AFG2A: variants seen among roughly 807,000 people sequenced by gnomAD.
The protein encoded by AFG2A is ATPase family gene 2 protein homolog A.
the AFG2A span, among the ~76,000 whole-genome samples, chr4:123,193,495 A>G: frequency 2.6e-5 from 4 of 152,234 alleles, no homozygotes; most frequent in Non-Finnish European, 4.4e-5. Flanking sequence ...AATGTTAACA[A>G]TAACAATCTT....
chr4:123,012,843 C>T, the AFG2A span, among the ~76,000 whole-genome samples: 2 of 152,020 alleles, frequency 1.3e-5, no homozygotes, highest in Non-Finnish European at 2.9e-5. Flanking sequence ...GCTGGTTAGT[C>T]TGAGGACCAG....
At chr4:123,093,431 TG>T in the AFG2A span, among the ~76,000 whole-genome samples, 3 of 152,230 alleles carry the variant, frequency 2.0e-5, no homozygotes, top group Non-Finnish European at 4.4e-5. Context: ...ATTTGTCAAC[TG>T]CCATGGTTCT....
the AFG2A span, among the ~76,000 whole-genome samples, chr4:122,961,957 A>T: frequency 2.0e-5 from 3 of 152,182 alleles, no homozygotes; most frequent in East Asian, 1.9e-4. Flanking sequence ...GGCACCAGGG[A>T]CCGGTTTTGT....
chr4:123,031,023 T>C, the AFG2A span, among the ~76,000 whole-genome samples: 63,183 of 152,026 alleles, frequency 0.42, 13,490 homozygotes, highest in South Asian at 0.6. Context: ...AAATAATTTG[T>C]CTTCTACTAG....
chr4:123,089,747 A>C, the AFG2A span, among the ~76,000 whole-genome samples: 1 of 151,964 alleles, frequency 6.6e-6, no homozygotes, highest in Non-Finnish European at 1.5e-5. Context: ...ACCACACCTG[A>C]CTAATTTTTT....
the AFG2A span, among the ~76,000 whole-genome samples, chr4:123,174,077 G>A: frequency 6.6e-6 from 1 of 152,142 alleles, no homozygotes; most frequent in Non-Finnish European, 1.5e-5. Context: ...CATTGTCTAT[G>A]TGGGCAAATT....
chr4:123,141,610 G>A, the AFG2A span, among the ~76,000 whole-genome samples: 2 of 152,196 alleles, frequency 1.3e-5, no homozygotes, highest in East Asian at 3.8e-4. Context: ...GTTCAGTAGG[G>A]TAGGTATGTT....
chr4:123,218,411 A>C, the AFG2A span, among the ~76,000 whole-genome samples: 1 of 152,148 alleles, frequency 6.6e-6, no homozygotes. Flanking sequence ...TTTAAGAACA[A>C]AATTTTAAAT....
the AFG2A span, among the ~76,000 whole-genome samples, chr4:122,970,194 T>G: frequency 6.6e-6 from 1 of 152,224 alleles, no homozygotes; most frequent in Admixed American, 6.5e-5. Context: ...AGGTATAACA[T>G]TTTTTAATCT....
chr4:122,964,559 C>T, the AFG2A span, among the ~76,000 whole-genome samples: 567 of 151,356 alleles, frequency 3.7e-3, 2 homozygotes, highest in African/African-American at 0.013. Flanking sequence ...TAATCGACTA[C>T]TCTTTCAGAG....
the AFG2A span, among the ~76,000 whole-genome samples, chr4:123,069,830 C>T: frequency 3.3e-5 from 5 of 152,198 alleles, no homozygotes; most frequent in South Asian, 4.2e-4. Flanking sequence ...AAGACTAAAA[C>T]GTAAAGTACT....
chr4:122,972,190 A>G, the AFG2A span, among the ~76,000 whole-genome samples: 1,835 of 152,238 alleles, frequency 0.012, 42 homozygotes, highest in African/African-American at 0.041. Flanking sequence ...TTTAATATCT[A>G]TTGAAATATT....
the AFG2A span, among the ~76,000 whole-genome samples, chr4:123,097,721 T>C: frequency 1.3e-5 from 2 of 152,106 alleles, no homozygotes; most frequent in Non-Finnish European, 2.9e-5. Context: ...GGATAGAGAA[T>C]TGGGAGAGAT....
the AFG2A span, chr4:123,256,251 T>C: frequency 6.4e-7 from 1 of 1,551,504 alleles, no homozygotes; most frequent in South Asian, 1.2e-5. Context: ...GCAAAATAAA[T>C]TGCTTGCCCT....
chr4:122,939,036 T>C, the AFG2A span, among the ~76,000 whole-genome samples: 1 of 151,634 alleles, frequency 6.6e-6, no homozygotes, highest in Non-Finnish European at 1.5e-5. Flanking sequence ...AAAAAACTTA[T>C]TCATATTACC....
the AFG2A span, among the ~76,000 whole-genome samples, chr4:122,972,943 T>C: frequency 6.6e-6 from 1 of 152,138 alleles, no homozygotes; most frequent in African/African-American, 2.4e-5. Context: ...GTGAGTTAAC[T>C]TTGTTTTTCG....
At chr4:123,272,166 G>T in the AFG2A span, among the ~76,000 whole-genome samples, 7 of 152,070 alleles carry the variant, frequency 4.6e-5, no homozygotes, top group African/African-American at 1.7e-4. Flanking sequence ...TGACACTGTT[G>T]TGCTTCTGAC....
At chr4:123,003,748 G>A in the AFG2A span, among the ~76,000 whole-genome samples, 3 of 152,038 alleles carry the variant, frequency 2.0e-5, no homozygotes, top group Non-Finnish European at 2.9e-5. Context: ...GGTGCTCGGT[G>A]GTCAGGGGTC....
the AFG2A span, among the ~76,000 whole-genome samples, chr4:123,002,663 C>T: frequency 6.6e-6 from 1 of 152,186 alleles, no homozygotes; most frequent in African/African-American, 2.4e-5. Flanking sequence ...AGAGTTTCTG[C>T]CGAGAGATCC....
Sources: gnomAD v4.1 joint callset for allele counts (sites outside exome capture counted in the v4.1 genomes callset) on GRCh38, gnomAD v4.1.1 for gene constraint, MANE v1.5 for transcripts, NCBI Gene and HGNC (gene_info 2026-07-23, HGNC 2026-07-21) for gene names.